ADAMTSL2: variants seen among roughly 807,000 people sequenced by gnomAD.
The protein encoded by ADAMTSL2 is ADAMTS-like protein 2.
A neutral mutation model predicts 117.0 loss-of-function variants in ADAMTSL2; 55 were observed. The observed-to-expected ratio is 0.47, with a 90% confidence interval of 0.38 to 0.59. The LOEUF (loss-of-function observed/expected upper bound fraction) is 0.59. ADAMTSL2 is among the 20% of genes least tolerant of loss of function. The pLI, the probability that ADAMTSL2 is intolerant of heterozygous loss-of-function variation, is 0.00. For synonymous variants in ADAMTSL2, 572 were observed against 566.4 expected, an observed-to-expected ratio of 1.01 and a Z score of -0.14; for missense variants, 1,182 against 1,354.5, an observed-to-expected ratio of 0.87 and a Z score of 2.00.
intron 9 of ADAMTSL2, among the ~76,000 whole-genome samples, chr9:133,552,417 G>A (rs1016005363): frequency 2.6e-5 from 4 of 152,286 alleles, no homozygotes; most frequent in East Asian, 3.9e-4. Context: ...TAAGTGTGGC[G>A]CCATCAGTGC....
At position 133,570,409 on chromosome 9, in the gene ADAMTSL2, C is replaced by T; in HGVS notation, c.2494C>T (p.Arg832Cys). Residue 832 changes from arginine (R) to cysteine (C), a missense_variant, in exon 17 of 19, where the codon CGC becomes TGC. Transcript: ENST00000651351. The part of the protein sequence containing the change: ...MELANGKPQT[R>C]SGPECGLAKK... ...GCTGGCCAACGGGAAGCCGCAGACG[C>T]GCAGTGGCCCCGAGTGCGGGCTCGC... 3.8e-6 allele frequency: 6 copies of T among 1,592,082 alleles called. No homozygotes were observed. Among genetic ancestry groups the T allele is most frequent in the East Asian group, 2.3e-5 (1 of 43,274 alleles).
chr9:133,568,139 C>T, intron 13 of ADAMTSL2, 134 bp from the exon 14 acceptor site: 1 of 933,058 alleles, frequency 1.1e-6, no homozygotes, highest in Non-Finnish European at 1.6e-6. Flanking sequence ...TCCTGTCTGG[C>T]TTAGCTTGTT....
chr9:133,551,235 A>G (rs1366844159), intron 9 of ADAMTSL2, among the ~76,000 whole-genome samples: 2 of 152,072 alleles, frequency 1.3e-5, no homozygotes, highest in Non-Finnish European at 2.9e-5. Flanking sequence ...CCCTCAGGGC[A>G]TGCCGACCCA....
chr9:133,554,547 A>T lies in ADAMTSL2; in HGVS notation c.1130A>T (p.Glu377Val). The change falls in exon 10 of 19, where the codon GAG becomes GTG. Residue 377 changes from glutamate to valine, a missense_variant. By Grantham distance (121) the Glu-to-Val change is moderately radical. Around this residue, in one of 3 missense-constraint regions of ADAMTSL2, gnomAD observed 345 missense variants for 325.8 expected, o/e 1.06. Transcript: ENST00000651351. This position sits in a 1 kb window ranked among gnomAD's most constrained non-coding sequence, Gnocchi z 5.2. ...NGSLYGQASS[E>V]RLGLDNRLFG... Reference sequence around the variant, plus strand: ...TCCCTCTACGGCCAGGCCTCCTCAGAGCGGCTGGGCCTGGACAACCGGCTG... The same window carrying T: ...TCCCTCTACGGCCAGGCCTCCTCAGTGCGGCTGGGCCTGGACAACCGGCTG... 6.5e-7 allele frequency: 1 copy of T among 1,548,786 alleles called. No homozygotes were observed. The highest frequency in any genetic ancestry group is 1.2e-5 in the South Asian group (1 of 84,082).
In ADAMTSL2 at chr9:133,538,439, G is replaced by A. The variant is rs573787510; in HGVS notation, c.309+15G>A. ...GCAGAGTGCAGGTGAGGCCCGGCCCGGGCAGGGGCACCATGGCCTGCTCTC... is the reference window on the plus strand; with the variant it reads ...GCAGAGTGCAGGTGAGGCCCGGCCCAGGCAGGGGCACCATGGCCTGCTCTC... On this transcript the variant is annotated intron_variant, in intron 4 of 18. Transcript: ENST00000651351. 14 of 1,612,504 alleles carry A rather than the reference G, an allele frequency of 8.7e-6. No homozygotes were observed. The highest frequency in any genetic ancestry group is 2.7e-5 in the African/African-American group (2 of 74,940).
chr9:133,570,574 C>T lies in ADAMTSL2; in HGVS notation c.2592+67C>T, dbSNP rs2301607. 0.31 allele frequency: 470,464 copies of T among 1,527,326 alleles called. 75,252 individuals carry two copies. The highest frequency in any genetic ancestry group is 0.44 in the Middle Eastern group (2,534 of 5,790). The allele number at this position is 1,527,326 out of a possible 1,614,324, so 94.6% of individuals were successfully genotyped here. On this transcript the variant is annotated intron_variant, in intron 17 of 18. Transcript: ENST00000651351. ...ACCTGAATGTCGATCCCGCCCCTCC[C>T]GCCTCAAGCCTCCTTAAGTGCTTCC...
chr9:133,557,893 T>G lies in ADAMTSL2; in HGVS notation c.1649+1963T>G, dbSNP rs1456470719. Among the ~76,000 whole-genome samples, 2 of 152,162 alleles carry G rather than the reference T, an allele frequency of 1.3e-5. No homozygotes were observed. Among genetic ancestry groups the G allele is most frequent in the Non-Finnish European group, 2.9e-5 (2 of 68,022 alleles). On this transcript the variant is annotated intron_variant, in intron 11 of 18. Coordinates refer to ENST00000651351, the MANE Select transcript of ADAMTSL2 (RefSeq NM_014694.4). The surrounding 1 kb of genome is among the most constrained non-coding windows in gnomAD (Gnocchi z 5.2). Reference sequence around the variant, plus strand: ...TCGCTGTGGAATTTGGCTTAAGGCATGGACACTGTGTGAGTTGAGCATCTC... The same window carrying G: ...TCGCTGTGGAATTTGGCTTAAGGCAGGGACACTGTGTGAGTTGAGCATCTC...
At position 133,537,496 on chromosome 9, in the gene ADAMTSL2, G is replaced by A. The variant is rs1478392567; in HGVS notation, c.182G>A (p.Arg61His). The A allele has an allele frequency of 7.4e-7, 1 of 1,354,266 alleles. No individual in the cohort carries two copies. Among genetic ancestry groups the A allele is most frequent in the Non-Finnish European group, 9.6e-7 (1 of 1,044,642 alleles). The allele number at this position is 1,354,266 out of a possible 1,614,324, so 83.9% of individuals were successfully genotyped here. A position where few individuals can be genotyped will look rare whatever the true frequency, so the allele number is the denominator to read the frequency against. Reference protein sequence around the residue: ...GEWTKWTACSRSCGGGVTSQE... With the variant: ...GEWTKWTACSHSCGGGVTSQE... ...TGGACCAAGTGGACGGCGTGTTCCC[G>A]CAGTTGCGGGGGTGGGGTGACATCC... Residue 61 changes from arginine to histidine, a missense_variant, in exon 3 of 19, where the codon CGC becomes CAC. Transcript: ENST00000651351.
chr9:133,555,745 G>T lies in ADAMTSL2; in HGVS notation c.1464G>T (p.Arg488Ser). ...VNSIFAQGAP[R>S]SSLAESFFVD... ...GCATCTTTGCACAGGGCGCCCCAAG[G>T]AGCTCCCTGGCCGAGAGCTTCTTCG... The change falls in exon 11 of 19, where the codon AGG becomes AGT. Residue 488 changes from arginine (R) to serine (S), a missense_variant. Around this residue, in one of 3 missense-constraint regions of ADAMTSL2, gnomAD observed 345 missense variants for 325.8 expected, o/e 1.06. Coordinates refer to ENST00000651351, the MANE Select transcript of ADAMTSL2 (RefSeq NM_014694.4). 1 of 1,614,030 alleles carries T rather than the reference G, an allele frequency of 6.2e-7. No individual in the cohort carries two copies. The highest frequency in any genetic ancestry group is 8.5e-7 in the Non-Finnish European group (1 of 1,180,034).
intron 9 of ADAMTSL2, among the ~76,000 whole-genome samples, chr9:133,550,424 G>A (rs1256457713): frequency 6.6e-6 from 1 of 152,204 alleles, no homozygotes; most frequent in Admixed American, 6.5e-5. Flanking sequence ...GCCCATTGTG[G>A]CACGTCCTCT....
Position 133,575,050 on chromosome 9 carries a change from C to T in ADAMTSL2, c.*186C>T. On this transcript the variant is annotated 3_prime_UTR_variant, in exon 19 of 19. Transcript: ENST00000651351. The stretch of plus-strand genomic sequence containing the variant: ...GACCTTTGTGCTCCTGGGGCAGAGC[C>T]TCCGGCACCCAGTGGCCTCCCCCAG... 1 of 605,732 alleles carries T rather than the reference C, an allele frequency of 1.7e-6. No individual in the cohort carries two copies. Among genetic ancestry groups the T allele is most frequent in the Non-Finnish European group, 2.9e-6 (1 of 339,610 alleles). 37.5% of individuals were successfully genotyped at this position (605,732 alleles called of 1,614,324 possible). A position where few individuals can be genotyped will look rare whatever the true frequency, so the allele number is the denominator to read the frequency against.
At chr9:133,574,189 G>C (rs1185803096) in intron 18 of ADAMTSL2, among the ~76,000 whole-genome samples, 1 of 152,198 alleles carries the variant, frequency 6.6e-6, no homozygotes, top group Non-Finnish European at 1.5e-5. Flanking sequence ...GAAGGGGAAT[G>C]GGGGAGGCCT....
At chr9:133,566,734 G>C (rs1830983162) in intron 12 of ADAMTSL2, among the ~76,000 whole-genome samples, 2 of 152,128 alleles carry the variant, frequency 1.3e-5, no homozygotes, top group African/African-American at 2.4e-5. Flanking sequence ...GGGCGGGGTG[G>C]GGGTGCAAAG....
At chr9:133,566,364 C>T (rs537834819) in intron 12 of ADAMTSL2, among the ~76,000 whole-genome samples, 1,564 of 152,314 alleles carry the variant, frequency 0.01, 13 homozygotes, top group Middle Eastern at 0.034. Flanking sequence ...TTGCTTGAAC[C>T]CAGGAGGGGG....
chr9:133,568,164 A>T, intron 13 of ADAMTSL2, 109 bp from the exon 14 acceptor site: 1 of 1,175,560 alleles, frequency 8.5e-7, no homozygotes. Flanking sequence ...GCGGTTTTGG[A>T]CCACATAGGG....
At position 133,554,840 on chromosome 9, in the gene ADAMTSL2, C is replaced by A; in HGVS notation, c.1276+147C>A. 1.4e-6 allele frequency: 1 copy of A among 722,834 alleles called. No individual in the cohort carries two copies. Among genetic ancestry groups the A allele is most frequent in the Non-Finnish European group, 2.2e-6 (1 of 450,628 alleles). The allele number at this position is 722,834 out of a possible 1,614,324, so 44.8% of individuals were successfully genotyped here. A position where few individuals can be genotyped will look rare whatever the true frequency, so the allele number is the denominator to read the frequency against. On this transcript the variant is annotated intron_variant, in intron 10 of 18. Transcript: ENST00000651351. The surrounding 1 kb of genome is among the most constrained non-coding windows in gnomAD (Gnocchi z 5.2). ...TACCTGCAGATGTCCTCTGGGCAGGCACAGGGTTGAGGACTTGGGATAGGT... is the reference window on the plus strand; with the variant it reads ...TACCTGCAGATGTCCTCTGGGCAGGAACAGGGTTGAGGACTTGGGATAGGT...
intron 10 of ADAMTSL2, 88 bp from the exon 11 acceptor site, chr9:133,555,470 G>T (rs1213572774): frequency 6.5e-7 from 1 of 1,542,534 alleles, no homozygotes; most frequent in Non-Finnish European, 8.9e-7. Context: ...GGTGTTTCTG[G>T]CCCCCTCGTC....
upstream of ADAMTSL2, chr9:133,534,440 G>T (rs1171323391): frequency 3.3e-6 from 1 of 307,592 alleles, no homozygotes; most frequent in African/African-American, 2.2e-5. Context: ...TCAGGCCAGC[G>T]GCTGCTCCGT....
intron 9 of ADAMTSL2, among the ~76,000 whole-genome samples, chr9:133,548,388 G>A (rs1476954708): frequency 1.3e-5 from 2 of 152,196 alleles, no homozygotes; most frequent in Non-Finnish European, 2.9e-5. Flanking sequence ...TGCTTACCTG[G>A]TCCTGCCTGG....
Sources: allele counts gnomAD v4.1 joint callset (sites outside exome capture counted in the v4.1 genomes callset), GRCh38; gene constraint gnomAD v4.1.1; regional missense constraint gnomAD v4.1.1; non-coding constraint Gnocchi (gnomAD v3.1); transcripts MANE v1.5; gene names NCBI Gene and HGNC (gene_info 2026-07-23, HGNC 2026-07-21).